LYST: variants seen among roughly 807,000 people sequenced by gnomAD.
LYST encodes lysosomal-trafficking regulator.
A neutral mutation model predicts 413.6 loss-of-function variants in LYST; 192 were observed. The observed-to-expected ratio is 0.46, with a 90% CI of 0.41 to 0.52. The LOEUF (loss-of-function observed/expected upper bound fraction) is 0.52. Ranked by LOEUF, LYST falls within the 20% of genes least tolerant of loss-of-function variation. The probability of loss-of-function intolerance (pLI) is 0.00; values close to 1 mark genes in which losing one functional copy is unlikely to be tolerated. For synonymous variants in LYST, 1,525 were observed against 1,567.3 expected (o/e 0.97, Z 0.64); for missense variants, 3,815 against 4,499.9 (o/e 0.85, Z 4.35).
intron 33 of LYST, 44 bp downstream of exon 33, chr1:235,733,786 A>G (rs1250037530): frequency 2.7e-6 from 4 of 1,503,416 alleles, no homozygotes; most frequent in Non-Finnish European, 3.7e-6. Flanking sequence ...GTGAAATCTA[A>G]TGGATTCCTA....
intron 22 of LYST, among the ~76,000 whole-genome samples, chr1:235,761,103 A>AT (rs1031494753): frequency 2.0e-5 from 3 of 152,016 alleles, no homozygotes; most frequent in South Asian, 4.1e-4. Flanking sequence ...TTTAAAAAAA[A>AT]TTTTTTTTAA....
intron 35 of LYST, 23 bp from the exon 36 acceptor site, chr1:235,730,966 T>C: frequency 6.2e-7 from 1 of 1,605,948 alleles, no homozygotes; most frequent in Non-Finnish European, 8.5e-7. Context: ...AAAGTAAATA[T>C]TATCTTTATC....
In LYST at chr1:235,677,175, G is replaced by C; in HGVS notation, c.10954C>G (p.Gln3652Glu). 1 of 1,612,028 alleles carries C rather than the reference G, an allele frequency of 6.2e-7. No individual in the cohort carries two copies. Among genetic ancestry groups the C allele is most frequent in the Non-Finnish European group, 8.5e-7 (1 of 1,178,216 alleles). ...IWDLNRLCYV[Q>E]SLAGHKSPVT... ...GGGCTTTTGTGTCCCGCCAGACTTT[G>C]TACATAGCATAACCTGAAAGAAAAA... The change falls in exon 50 of 53, where the codon CAA becomes GAA. Residue 3652 changes from glutamine to glutamate, a missense_variant. Coordinates refer to ENST00000389793, the MANE Select transcript of LYST (RefSeq NM_000081.4).
chr1:235,696,996 A>T (rs970862282), intron 46 of LYST, 87 bp downstream of exon 46: 106 of 1,280,726 alleles, frequency 8.3e-5, no homozygotes, highest in Non-Finnish European at 1.1e-4. Flanking sequence ...TCCACCAAGG[A>T]CTCAAAGTAG....
Position 235,720,748 on chromosome 1 carries a change from T to C in LYST, c.9473A>G (p.Asn3158Ser), listed in dbSNP as rs143618409. 94 of 1,614,104 alleles carry C rather than the reference T, an allele frequency of 5.8e-5. No homozygotes were observed. Among genetic ancestry groups the C allele is most frequent in the Admixed American group, 4.3e-4 (26 of 60,034 alleles). ...HLNKHAGRSF[N>S]DLMQYPVFPF... ...GAACACAGGATACTGCATGAGATCA[T>C]TGAAGGATCGGCCAGCATGTTTGTT... Residue 3158 changes from asparagine to serine, a missense_variant, in exon 40 of 53, where the codon AAT (asparagine) becomes AGT (serine). By Grantham distance (46) the Asn-to-Ser change is conservative (BLOSUM62 1). This residue lies in a region of LYST where 866 missense variants were observed against 1,156.0 expected (regional missense o/e 0.75). Coordinates refer to ENST00000389793, the MANE Select transcript of LYST (RefSeq NM_000081.4).
chr1:235,731,252 G>A lies in LYST; in HGVS notation c.8802-75C>T, dbSNP rs113683293. ...TAGCTATAAAAAAAATCATTATAGA[G>A]ATTGAGTAAGTAAGTCACAACTGAT... is the stretch of plus-strand genomic sequence containing the variant. On this transcript the variant is annotated intron_variant, in intron 34 of 52. Coordinates refer to ENST00000389793, the MANE Select transcript of LYST (RefSeq NM_000081.4). 3.3e-5 allele frequency: 43 copies of A among 1,286,018 alleles called. 1 individual carries two copies. The highest frequency in any genetic ancestry group is 3.1e-4 in the African/African-American group (21 of 68,704). The allele number at this position is 1,286,018 out of a possible 1,614,324, so 79.7% of individuals were successfully genotyped here.
chr1:235,847,381 C>T (rs1361358105), intron 1 of LYST, among the ~76,000 whole-genome samples: 1 of 152,120 alleles, frequency 6.6e-6, no homozygotes, highest in Non-Finnish European at 1.5e-5. Flanking sequence ...AAAGGAGCTC[C>T]AAGTCTTGAA....
chr1:235,788,595 T>C, intron 13 of LYST, 106 bp downstream of exon 13: 1 of 1,017,398 alleles, frequency 9.8e-7, no homozygotes, highest in Non-Finnish European at 1.5e-6. Flanking sequence ...ATGAGACTTT[T>C]TGTTTTGCTA....
intron 19 of LYST, among the ~76,000 whole-genome samples, chr1:235,772,215 C>G (rs1015680463): frequency 2.0e-5 from 3 of 151,866 alleles, no homozygotes; most frequent in Non-Finnish European, 4.4e-5. Context: ...ACAGAGTGTG[C>G]TCCTGTTTCA....
intron 10 of LYST, among the ~76,000 whole-genome samples, chr1:235,793,961 G>T (rs1336992347): frequency 6.6e-6 from 1 of 151,866 alleles, no homozygotes; most frequent in Non-Finnish European, 1.5e-5. Context: ...GCCTCCCGAG[G>T]AGCTGGGACT....
chr1:235,817,038 GC>G (rs1268059160), intron 3 of LYST, among the ~76,000 whole-genome samples: 1 of 151,824 alleles, frequency 6.6e-6, no homozygotes, highest in Non-Finnish European at 1.5e-5. Context: ...AAGACAAATG[GC>G]CCTATTAAAA....
chr1:235,840,311 A>C (rs1487631848), intron 1 of LYST: 1 of 152,228 alleles, frequency 6.6e-6, no homozygotes. Context: ...AGGGAAGAAA[A>C]GCATTAGAGA....
At chr1:235,765,645 C>A (rs1415307096) in intron 21 of LYST, among the ~76,000 whole-genome samples, 2 of 152,098 alleles carry the variant, frequency 1.3e-5, no homozygotes, top group Non-Finnish European at 2.9e-5. Flanking sequence ...TTTATCCTCC[C>A]TTTAAAGTCA....
rs1669895534 is a variant in LYST, at chr1:235,781,789, G to T, written c.5023+138C>A. The T allele has an allele frequency of 6.0e-6, 4 of 669,092 alleles. No individual in the cohort carries two copies. The Admixed American group carries it at 9.0e-5, about 15-fold the overall frequency. The allele number at this position is 669,092 out of a possible 1,614,324, so 41.4% of individuals were successfully genotyped here. On this transcript the variant is annotated intron_variant, in intron 15 of 52. Transcript: ENST00000389793. ...TATTAAACACAAGTAAAGGAACATA[G>T]ATGGATATTTTAGCCAGGTTAATTT...
chr1:235,856,656 T>C (rs1679225837), intron 1 of LYST, among the ~76,000 whole-genome samples: 1 of 152,094 alleles, frequency 6.6e-6, no homozygotes, highest in South Asian at 2.1e-4. Flanking sequence ...GAAGAGAAAA[T>C]AAATATATTT....
upstream of LYST, among the ~76,000 whole-genome samples, chr1:235,867,605 C>A (rs1321716960): frequency 3.3e-5 from 5 of 152,120 alleles, no homozygotes; most frequent in African/African-American, 1.2e-4. Context: ...CCCTAATAGA[C>A]CAGTCCCTCC....
intron 25 of LYST, 136 bp downstream of exon 25, chr1:235,755,342 T>C (rs1189523344): frequency 6.2e-6 from 5 of 800,776 alleles, no homozygotes; most frequent in African/African-American, 5.4e-5. Flanking sequence ...TGAGCCGAGA[T>C]TGCACCATTG....
In LYST at chr1:235,664,874, G is replaced by A. The variant is rs1051013813; in HGVS notation, c.11039-253C>T. On this transcript the variant is annotated intron_variant, in intron 50 of 52. Coordinates refer to ENST00000389793, the MANE Select transcript of LYST (RefSeq NM_000081.4). The surrounding 1 kb of genome is among the most constrained non-coding windows in gnomAD (Gnocchi z 4.5). ...TGCAGTGGTGTGATCTTGGCTCACT[G>A]TAACTGCCTCCTGAATTCAAGAGAT... 6.6e-6 allele frequency among the ~76,000 whole-genome samples: 1 copy of A among 152,172 alleles called. No individual in the cohort carries two copies. Among genetic ancestry groups the A allele is most frequent in the Non-Finnish European group, 1.5e-5 (1 of 68,034 alleles).
chr1:235,846,135 C>G (rs1212159290), intron 1 of LYST, among the ~76,000 whole-genome samples: 1 of 152,180 alleles, frequency 6.6e-6, no homozygotes, highest in African/African-American at 2.4e-5. Context: ...CCTCCACCAC[C>G]TGCACCAGAA....
Sources: allele counts gnomAD v4.1 joint callset (sites outside exome capture counted in the v4.1 genomes callset), GRCh38; gene constraint gnomAD v4.1.1; regional missense constraint gnomAD v4.1.1; non-coding constraint Gnocchi (gnomAD v3.1); transcripts MANE v1.5; gene names NCBI Gene and HGNC (gene_info 2026-07-23, HGNC 2026-07-21).